Variants in GLRA3 observed in about 807,000 individuals in gnomAD.
GLRA3 encodes glycine receptor alpha 3.
In GLRA3, 44 loss-of-function variants were observed where a neutral mutation model predicts 60.4. That is an observed-to-expected ratio of 0.73 (90% CI 0.57 to 0.94). GLRA3 has a LOEUF of 0.94. GLRA3 is among the 40% of genes least tolerant of loss of function. The pLI is 0.00. For missense variants in GLRA3, 508 were observed against 564.6 expected, an observed-to-expected ratio of 0.90 and a Z score of 1.02; for synonymous variants, 223 against 192.9, an observed-to-expected ratio of 1.16 and a Z score of -1.29.
intron 3 of GLRA3, among the ~76,000 whole-genome samples, chr4:174,736,088 G>T (rs1277362675): frequency 1.3e-5 from 2 of 152,096 alleles, no homozygotes; most frequent in African/African-American, 2.4e-5. Context: ...TTTGAGAAAA[G>T]TTGGAGATAC....
At chr4:174,717,577 A>T (rs1483227738) in intron 4 of GLRA3, among the ~76,000 whole-genome samples, 2 of 152,178 alleles carry the variant, frequency 1.3e-5, no homozygotes, top group Non-Finnish European at 2.9e-5. Flanking sequence ...ACATAAATGG[A>T]GAGACAGTGA....
At chr4:174,782,417 A>T (rs1454474047) in intron 2 of GLRA3, among the ~76,000 whole-genome samples, 1 of 150,716 alleles carries the variant, frequency 6.6e-6, no homozygotes, top group African/African-American at 2.4e-5. Flanking sequence ...CAAGACAGGG[A>T]TGCCCTCTCT....
intron 2 of GLRA3, among the ~76,000 whole-genome samples, chr4:174,787,348 T>C (rs1337617700): frequency 2.0e-5 from 3 of 152,130 alleles, no homozygotes; most frequent in Non-Finnish European, 4.4e-5. Context: ...TTCCCGATTA[T>C]GTGTCTTGTG....
Position 174,643,827 on chromosome 4 carries a change from T to A in GLRA3, c.1354A>T (p.Lys452Ter). Residue 452 changes from lysine (K) to a stop codon, truncating the protein, a stop_gained, in exon 10 of 10, where the codon AAA (lysine) becomes TAA (stop). Transcript: ENST00000274093. LOFTEE classifies it high-confidence loss of function. ...TGAATATCCTCATGCCTAAGAATTT[T>A]ATAGATAACCCAGTAGAAAATATTA... Reference protein sequence around the residue: ...IFNIFYWVIYKILRHEDIHQQ... With the variant: ...IFNIFYWVIY The A allele has an allele frequency of 1.2e-6, 2 of 1,613,810 alleles. No homozygotes were observed. The highest frequency in any genetic ancestry group is 1.7e-6 in the Non-Finnish European group (2 of 1,179,782).
At chr4:174,714,024 A>G (rs1003824739) in intron 5 of GLRA3, among the ~76,000 whole-genome samples, 5 of 152,200 alleles carry the variant, frequency 3.3e-5, no homozygotes, top group Non-Finnish European at 7.3e-5. Context: ...ACAGGCATTC[A>G]GTGACTTCAC....
At chr4:174,818,368 T>C (rs1740592966) in intron 1 of GLRA3, among the ~76,000 whole-genome samples, 1 of 152,236 alleles carries the variant, frequency 6.6e-6, no homozygotes, top group Non-Finnish European at 1.5e-5. Flanking sequence ...TGATGTGAGA[T>C]TATATTTATG....
chr4:174,819,719 G>A (rs1429287386), intron 1 of GLRA3, among the ~76,000 whole-genome samples: 1 of 152,122 alleles, frequency 6.6e-6, no homozygotes, highest in Non-Finnish European at 1.5e-5. Context: ...ATACATAAAT[G>A]TATGTAAACA....
At chr4:174,785,329 T>G (rs1185170494) in intron 2 of GLRA3, among the ~76,000 whole-genome samples, 2 of 151,552 alleles carry the variant, frequency 1.3e-5, no homozygotes, top group African/African-American at 4.8e-5. Context: ...GTTTTCCCAC[T>G]ATGGCCTTCA....
intron 1 of GLRA3, among the ~76,000 whole-genome samples, chr4:174,822,438 A>G (rs1007142153): frequency 6.6e-6 from 1 of 152,358 alleles, no homozygotes; most frequent in African/African-American, 2.4e-5. Flanking sequence ...ATAGGAAAAA[A>G]TAGTTCATTT....
In GLRA3 at chr4:174,757,845, C is replaced by G. The variant is rs574054909; in HGVS notation, c.267+9118G>C. On this transcript the variant is annotated intron_variant, in intron 3 of 9. Coordinates refer to ENST00000274093, the MANE Select transcript of GLRA3 (RefSeq NM_006529.4). ...TTGGATATTTGCCCCTTCCAAATCTCGTGTTGAAATTTGATCCCCAGTGTT... is the reference window on the plus strand; with the variant it reads ...TTGGATATTTGCCCCTTCCAAATCTGGTGTTGAAATTTGATCCCCAGTGTT... Among the ~76,000 whole-genome samples the G allele has an allele frequency of 9.2e-5, 14 of 152,212 alleles. No individual in the cohort carries two copies. In the East Asian group the frequency reaches 2.7e-3, roughly 29 times the overall value.
chr4:174,816,466 A>G (rs1311886584), intron 1 of GLRA3, among the ~76,000 whole-genome samples: 1 of 152,222 alleles, frequency 6.6e-6, no homozygotes, highest in African/African-American at 2.4e-5. Flanking sequence ...TTCACTATAC[A>G]TATCTAGAAC....
chr4:174,717,024 T>C (rs958753352), intron 4 of GLRA3, among the ~76,000 whole-genome samples: 2 of 151,162 alleles, frequency 1.3e-5, no homozygotes, highest in Admixed American at 1.3e-4. Flanking sequence ...AACATAAAAA[T>C]ACTCTATCTC....
intron 2 of GLRA3, among the ~76,000 whole-genome samples, chr4:174,771,810 T>C (rs1375931086): frequency 6.6e-6 from 1 of 152,200 alleles, no homozygotes; most frequent in African/African-American, 2.4e-5. Context: ...GATGAGGCAT[T>C]CTCTATAATA....
chr4:174,784,024 T>C (rs919803348), intron 2 of GLRA3, among the ~76,000 whole-genome samples: 4 of 150,014 alleles, frequency 2.7e-5, no homozygotes, highest in African/African-American at 9.9e-5. Context: ...TGCACACGTA[T>C]GTTTATTGCG....
intron 5 of GLRA3, among the ~76,000 whole-genome samples, chr4:174,688,354 T>TTC (rs1734637019): frequency 1.5e-5 from 2 of 133,354 alleles, no homozygotes; most frequent in African/African-American, 5.6e-5. Flanking sequence ...TATATATATA[T>TTC]ATATATATAT....
chr4:174,741,844 G>T (rs1250992903), intron 3 of GLRA3, among the ~76,000 whole-genome samples: 4 of 152,080 alleles, frequency 2.6e-5, no homozygotes, highest in African/African-American at 7.2e-5. Flanking sequence ...TTGTTGAAAA[G>T]ATTAGAATGC....
At chr4:174,784,735 C>T (rs1468661726) in intron 2 of GLRA3, among the ~76,000 whole-genome samples, 4 of 152,056 alleles carry the variant, frequency 2.6e-5, no homozygotes, top group African/African-American at 4.8e-5. Context: ...CAGAACATTT[C>T]TAAACCCATA....
chr4:174,760,796 C>T (rs886274951), intron 3 of GLRA3, among the ~76,000 whole-genome samples: 5 of 152,026 alleles, frequency 3.3e-5, no homozygotes, highest in Non-Finnish European at 5.9e-5. Context: ...CAGAGATGAT[C>T]TGTAGTATTG....
At chr4:174,688,112 T>C (rs1355550615) in intron 5 of GLRA3, among the ~76,000 whole-genome samples, 6 of 151,768 alleles carry the variant, frequency 4.0e-5, no homozygotes, top group Admixed American at 1.3e-4. Flanking sequence ...TAATTAACTA[T>C]GTGTTTACAG....
Sources: allele counts gnomAD v4.1 joint callset (sites outside exome capture counted in the v4.1 genomes callset), GRCh38; gene constraint gnomAD v4.1.1; transcripts MANE v1.5; gene names NCBI Gene and HGNC (gene_info 2026-07-23, HGNC 2026-07-21).